Variants in PCDH15 observed in about 807,000 individuals in gnomAD.
PCDH15 encodes protocadherin-15.
In PCDH15, 129 loss-of-function variants were observed where a neutral mutation model predicts 178.5. That is an observed-to-expected ratio of 0.72 (90% CI 0.63 to 0.84). The LOEUF is 0.84. Among genes scored for constraint, PCDH15 ranks in the 40% least tolerant of loss-of-function variants. The probability of loss-of-function intolerance (pLI) is 0.00; values close to 1 mark genes in which losing one functional copy is unlikely to be tolerated. For missense variants in PCDH15, 2,230 were observed against 2,099.9 expected, an observed-to-expected ratio of 1.06 and a Z score of -1.21; for synonymous variants, 800 against 732.0, an observed-to-expected ratio of 1.09 and a Z score of -1.50.
At chr10:55,088,826 T>C (rs150586714) in intron 2 of PCDH15, among the ~76,000 whole-genome samples, 40 of 152,130 alleles carry the variant, frequency 2.6e-4, no homozygotes, top group African/African-American at 6.8e-4. Flanking sequence ...ATGATTTATA[T>C]TTCTAGTTTT....
intron 16 of PCDH15, among the ~76,000 whole-genome samples, chr10:54,079,629 G>A (rs537125861): frequency 6.6e-6 from 1 of 152,248 alleles, no homozygotes; most frequent in South Asian, 2.1e-4. Context: ...CAGTATCCAT[G>A]AAACTGACAC....
intron 2 of PCDH15, among the ~76,000 whole-genome samples, chr10:55,507,215 A>C (rs1840777295): frequency 6.6e-6 from 1 of 151,676 alleles, no homozygotes; most frequent in Non-Finnish European, 1.5e-5. Flanking sequence ...TATCAGGCAA[A>C]TAAACATTCA....
chr10:54,931,472 G>T (rs1220736340), intron 2 of PCDH15, among the ~76,000 whole-genome samples: 3 of 152,124 alleles, frequency 2.0e-5, no homozygotes, highest in African/African-American at 7.2e-5. Flanking sequence ...TTGTGCTGAG[G>T]TATAAGCCCA....
At chr10:55,475,326 A>C (rs531561909) in intron 2 of PCDH15, among the ~76,000 whole-genome samples, 1 of 152,134 alleles carries the variant, frequency 6.6e-6, no homozygotes, top group Non-Finnish European at 1.5e-5. Flanking sequence ...GCAACACTAC[A>C]TTCTAATCTC....
At chr10:54,902,455 C>T (rs2131826682) in intron 2 of PCDH15, among the ~76,000 whole-genome samples, 1 of 152,186 alleles carries the variant, frequency 6.6e-6, no homozygotes, top group East Asian at 1.9e-4. Flanking sequence ...AGCACATCCC[C>T]CTTTGGTCCC....
chr10:55,245,331 T>C (rs979557417), intron 1 of PCDH15, among the ~76,000 whole-genome samples: 3 of 152,046 alleles, frequency 2.0e-5, no homozygotes, highest in Non-Finnish European at 4.4e-5. Flanking sequence ...GTGGTAGAGA[T>C]GGAAAATACA....
chr10:55,155,581 A>G lies in PCDH15; in HGVS notation c.-80+10995T>C, dbSNP rs535585981. 1.9e-4 allele frequency among the ~76,000 whole-genome samples: 29 copies of G among 151,906 alleles called. No individual in the cohort carries two copies. The South Asian group carries it at 5.4e-3, about 28-fold the overall frequency. On this transcript the variant is annotated intron_variant, in intron 2 of 5. Coordinates refer to the PCDH15 transcript ENST00000458638. ...GGAAGTACTTCAGGCTTCAGGCCTC[A>G]TTTAGGGGCAAAGATAAGTATTTCT...
intron 3 of PCDH15, among the ~76,000 whole-genome samples, chr10:54,853,647 T>C (rs1366988923): frequency 6.6e-6 from 1 of 151,768 alleles, no homozygotes; most frequent in East Asian, 1.9e-4. Context: ...AAAAAGATTT[T>C]TTTTTCACTA....
rs534670978 is a variant in PCDH15, at chr10:54,727,737, C to T, written c.-28-63447G>A. ...GAAGATCCAACTAAATACAATGAGA[C>T]GTGACAAAGGGGATATTACCACTGA... On this transcript the variant is annotated intron_variant, in intron 1 of 37. Coordinates refer to ENST00000644397, the MANE Select transcript of PCDH15 (RefSeq NM_001384140.1). Among the ~76,000 whole-genome samples the T allele has an allele frequency of 2.6e-5, 4 of 151,222 alleles. No homozygotes were observed. In the South Asian group the frequency reaches 8.3e-4, roughly 31 times the overall value.
At chr10:55,146,989 T>C (rs908553189) in intron 2 of PCDH15, among the ~76,000 whole-genome samples, 1 of 151,704 alleles carries the variant, frequency 6.6e-6, no homozygotes, top group Admixed American at 6.6e-5. Flanking sequence ...AAAGAATCTA[T>C]TTTATTACTT....
chr10:53,985,335 T>C (rs557224217), intron 21 of PCDH15, among the ~76,000 whole-genome samples: 1 of 152,328 alleles, frequency 6.6e-6, no homozygotes, highest in South Asian at 2.1e-4. Context: ...CACAGGGTAC[T>C]TCACACTAAC....
intron 21 of PCDH15, among the ~76,000 whole-genome samples, chr10:53,984,743 T>G (rs146909107): frequency 1.6e-3 from 239 of 152,318 alleles, no homozygotes; most frequent in African/African-American, 5.5e-3. Context: ...TCATACCTGT[T>G]TTTCCTATCT....
chr10:54,921,362 T>C (rs182851349), intron 2 of PCDH15, among the ~76,000 whole-genome samples: 449 of 152,248 alleles, frequency 2.9e-3, no homozygotes, highest in Non-Finnish European at 4.7e-3. Context: ...CAGGGGTACA[T>C]GTGAAGGTTT....
At chr10:54,550,300 C>T (rs796615958) in intron 2 of PCDH15, among the ~76,000 whole-genome samples, 8 of 152,242 alleles carry the variant, frequency 5.3e-5, no homozygotes, top group Non-Finnish European at 8.8e-5. Context: ...TTACAACTTC[C>T]ACTATGCAAC....
chr10:54,842,716 T>C (rs1300864513), intron 3 of PCDH15, among the ~76,000 whole-genome samples: 14 of 151,912 alleles, frequency 9.2e-5, no homozygotes, highest in Admixed American at 3.3e-4. Flanking sequence ...TTATTTTGTA[T>C]ACAGTCAGTA....
intron 2 of PCDH15, among the ~76,000 whole-genome samples, chr10:55,094,037 G>A (rs529182952): frequency 6.6e-6 from 1 of 152,174 alleles, no homozygotes; most frequent in South Asian, 2.1e-4. Flanking sequence ...GGAACCCATT[G>A]CTGGGTATAT....
At chr10:54,345,829 A>AAAAAAAAAAAAAAAAAAAAAAAAAAAC (rs1943174122) in intron 6 of PCDH15, among the ~76,000 whole-genome samples, 1 of 137,120 alleles carries the variant, frequency 7.3e-6, no homozygotes, top group Non-Finnish European at 1.6e-5. Context: ...AAAAAAAAAA[A>AAAAAAAAAAAAAAAAAAAAAAAAAAAC]AAAAAGAAAT....
intron 2 of PCDH15, among the ~76,000 whole-genome samples, chr10:54,562,991 A>G (rs1430359197): frequency 3.9e-5 from 6 of 152,282 alleles, no homozygotes; most frequent in African/African-American, 1.4e-4. Flanking sequence ...ACGGAACACT[A>G]TTAAATGTTT....
chr10:54,125,142 A>G (rs1486716621), intron 15 of PCDH15, among the ~76,000 whole-genome samples: 2 of 151,706 alleles, frequency 1.3e-5, no homozygotes, highest in Admixed American at 1.3e-4. Flanking sequence ...TCATTAGTCA[A>G]ATGTGTGGTT....
Sources: gnomAD v4.1 joint callset for allele counts (sites outside exome capture counted in the v4.1 genomes callset) on GRCh38, gnomAD v4.1.1 for gene constraint, MANE v1.5 for transcripts, NCBI Gene and HGNC (gene_info 2026-07-23, HGNC 2026-07-21) for gene names.